Variants in LRP1B observed in about 807,000 individuals in gnomAD.
LRP1B encodes LDL receptor related protein 1B.
LRP1B carries 217 observed loss-of-function variants against 556.6 expected under a neutral mutation model. The observed-to-expected ratio is 0.39, with a 90% CI of 0.35 to 0.44. LRP1B has a LOEUF of 0.44. LRP1B is among the 20% of genes least tolerant of loss of function. The pLI, the probability that LRP1B is intolerant of heterozygous loss-of-function variation, is 1.00. For missense variants in LRP1B, 5,053 were observed against 5,620.8 expected, an observed-to-expected ratio of 0.90 and a Z score of 3.23; for synonymous variants, 2,047 against 1,865.8, an observed-to-expected ratio of 1.10 and a Z score of -2.50.
chr2:142,127,483 ATTCT>A (rs1349085838), intron 1 of LRP1B, among the ~76,000 whole-genome samples: 1 of 151,642 alleles, frequency 6.6e-6, no homozygotes. Flanking sequence ...TGCAATTCAC[ATTCT>A]TTCTTATTGT....
At chr2:140,841,539 T>A (rs1692105533) in intron 29 of LRP1B, among the ~76,000 whole-genome samples, 1 of 152,220 alleles carries the variant, frequency 6.6e-6, no homozygotes, top group African/African-American at 2.4e-5. Context: ...ATAAAACAAT[T>A]CAACTTTCCT....
intron 83 of LRP1B, among the ~76,000 whole-genome samples, chr2:140,309,921 A>C (rs1684224883): frequency 8.4e-6 from 1 of 119,284 alleles, no homozygotes; most frequent in Non-Finnish European, 1.9e-5. Flanking sequence ...CTCACTTCTA[A>C]ATTTTGTTTT....
In LRP1B at chr2:140,789,676, G is replaced by T. The variant is rs1690040738; in HGVS notation, c.5360-13438C>A. On this transcript the variant is annotated intron_variant, in intron 32 of 90. Transcript: ENST00000389484. Reference sequence around the variant, plus strand: ...GACGGAGTCTCGCTCTGTCGCCCAGGCTGGAGTGCAGTGGCGGGATCTCGG... The same window carrying T: ...GACGGAGTCTCGCTCTGTCGCCCAGTCTGGAGTGCAGTGGCGGGATCTCGG... Among the ~76,000 whole-genome samples, 5 of 130,812 alleles carry T rather than the reference G, an allele frequency of 3.8e-5. No individual in the cohort carries two copies. The South Asian group carries it at 1.3e-3, about 34-fold the overall frequency. 85.8% of individuals were successfully genotyped at this position (130,812 alleles called of 152,430 possible). A position where few individuals can be genotyped will look rare whatever the true frequency, so the allele number is the denominator to read the frequency against.
rs947242124 is a variant in LRP1B at position 141,005,432 on chromosome 2, A to G, written c.2406T>C (p.Asn802=). The change falls in exon 15 of 91, where the codon AAT becomes AAC. Residue 802 remains asparagine (N), a synonymous_variant. Transcript: ENST00000389484. ...QQGDNMCRVN[N]GGCSTLCLAI... ...CCAAGCAAAGTGTACTACAGCCCCC[A>G]TTATTTACTCGGCACATATTGTCAC... 2.5e-6 allele frequency: 4 copies of G among 1,611,040 alleles called. No homozygotes were observed. The highest frequency in any genetic ancestry group is 2.7e-5 in the African/African-American group (2 of 74,782).
chr2:140,559,831 T>C (rs1680866242), intron 43 of LRP1B, among the ~76,000 whole-genome samples: 2 of 149,760 alleles, frequency 1.3e-5, no homozygotes, highest in African/African-American at 4.9e-5. Flanking sequence ...GGTTAATAAA[T>C]ATGGAAGAAA....
At chr2:141,483,938 C>A (rs1363200503) in intron 2 of LRP1B, among the ~76,000 whole-genome samples, 1 of 151,238 alleles carries the variant, frequency 6.6e-6, no homozygotes, top group African/African-American at 2.4e-5. Context: ...ATGGTAGTTT[C>A]TTTTGCTGTG....
rs1682396329 is a variant in LRP1B at position 140,270,230 on chromosome 2, T to C, written c.13247+12A>G. On this transcript the variant is annotated intron_variant, in intron 86 of 90. Coordinates refer to ENST00000389484, the MANE Select transcript of LRP1B (RefSeq NM_018557.3). ...TTATTATAAGATGCCCATGACTTGA[T>C]TAAATACTCACAGACACACAGGTAC... The C allele has an allele frequency of 1.3e-6, 2 of 1,598,622 alleles. No individual in the cohort carries two copies. Among genetic ancestry groups the C allele is most frequent in the Non-Finnish European group, 1.7e-6 (2 of 1,166,724 alleles).
At chr2:141,853,894 A>G (rs935994368) in intron 1 of LRP1B, among the ~76,000 whole-genome samples, 1 of 151,992 alleles carries the variant, frequency 6.6e-6, no homozygotes, top group African/African-American at 2.4e-5. Flanking sequence ...ATATTTTATG[A>G]TATATTTGTT....
At chr2:142,059,616 T>C (rs188403105) in intron 1 of LRP1B, among the ~76,000 whole-genome samples, 41 of 152,198 alleles carry the variant, frequency 2.7e-4, no homozygotes, top group Admixed American at 1.9e-3. Context: ...CTTCTGCCTA[T>C]GGGTAAAGAA....
At chr2:141,077,692 A>G (rs533101244) in intron 7 of LRP1B, among the ~76,000 whole-genome samples, 5 of 152,224 alleles carry the variant, frequency 3.3e-5, no homozygotes, top group African/African-American at 9.6e-5. Flanking sequence ...GGATTACCGC[A>G]TCAGCTCTTG....
chr2:140,900,824 T>C (rs1342651885), intron 23 of LRP1B, among the ~76,000 whole-genome samples: 5 of 151,372 alleles, frequency 3.3e-5, no homozygotes, highest in Non-Finnish European at 4.4e-5. Context: ...AAAAAATAAA[T>C]GGAAAGCAAG....
intron 87 of LRP1B, among the ~76,000 whole-genome samples, chr2:140,242,385 A>T (rs76572017): frequency 6.6e-6 from 1 of 151,100 alleles, no homozygotes; most frequent in Admixed American, 6.6e-5. Flanking sequence ...TTGAGGGCAC[A>T]ATCTGTTTCT....
At chr2:141,478,171 C>A (rs977789099) in intron 3 of LRP1B, among the ~76,000 whole-genome samples, 1 of 152,050 alleles carries the variant, frequency 6.6e-6, no homozygotes, top group Non-Finnish European at 1.5e-5. Flanking sequence ...TTATTTGAAT[C>A]CCCTTTTATG....
chr2:140,880,905 A>G (rs1302203427), intron 25 of LRP1B, among the ~76,000 whole-genome samples: 1 of 152,162 alleles, frequency 6.6e-6, no homozygotes, highest in African/African-American at 2.4e-5. Flanking sequence ...TTTACTTAGC[A>G]CAAGTATATA....
intron 1 of LRP1B, among the ~76,000 whole-genome samples, chr2:142,036,888 C>A (rs1000970790): frequency 9.9e-5 from 15 of 151,600 alleles, no homozygotes; most frequent in African/African-American, 3.4e-4. Context: ...CATTGTAATA[C>A]CTTTATTGTA....
At chr2:141,180,837 G>A (rs1004333689) in intron 7 of LRP1B, among the ~76,000 whole-genome samples, 4 of 151,810 alleles carry the variant, frequency 2.6e-5, no homozygotes, top group Admixed American at 6.6e-5. Context: ...AACGAGATTT[G>A]GAACAAATAA....
chr2:141,734,806 A>G lies in LRP1B; in HGVS notation c.205+75473T>C, dbSNP rs374626620. On this transcript the variant is annotated intron_variant, in intron 2 of 90. Coordinates refer to ENST00000389484, the MANE Select transcript of LRP1B (RefSeq NM_018557.3). Reference sequence around the variant, plus strand: ...CAAATGAAAGCATTTTATAATAACAAAGATAGAGACCAGGGAGTCCTTATG... The same window carrying G: ...CAAATGAAAGCATTTTATAATAACAGAGATAGAGACCAGGGAGTCCTTATG... Among the ~76,000 whole-genome samples the G allele has an allele frequency of 4.8e-4, 73 of 152,282 alleles. No individual in the cohort carries two copies. In the South Asian group the frequency reaches 8.1e-3, roughly 17 times the overall value.
chr2:140,774,904 A>G (rs1391495062), intron 33 of LRP1B, among the ~76,000 whole-genome samples: 2 of 152,182 alleles, frequency 1.3e-5, no homozygotes, highest in African/African-American at 4.8e-5. Context: ...TATTATATAC[A>G]TTCTCAGGTT....
At chr2:142,068,054 C>G (rs1283530662) in intron 1 of LRP1B, among the ~76,000 whole-genome samples, 5 of 151,470 alleles carry the variant, frequency 3.3e-5, no homozygotes, top group African/African-American at 1.2e-4. Flanking sequence ...AAAGACCCTT[C>G]AGGATAATTG....
Sources: gnomAD v4.1 joint callset for allele counts (sites outside exome capture counted in the v4.1 genomes callset) on GRCh38, gnomAD v4.1.1 for gene constraint, MANE v1.5 for transcripts, NCBI Gene and HGNC (gene_info 2026-07-23, HGNC 2026-07-21) for gene names.